The following B3GALT1 variants were observed in gnomAD, a reference collection of about 807,000 sequenced individuals.
The protein encoded by B3GALT1 is beta-1,3-galactosyltransferase 1.
Under a neutral mutation model 23.2 loss-of-function variants are expected in B3GALT1, and 10 were observed. The observed-to-expected ratio is 0.43, with a 90% CI of 0.27 to 0.73. The LOEUF (loss-of-function observed/expected upper bound fraction) is 0.73, where lower values mean the gene tolerates loss of function less well. B3GALT1 is among the 30% of genes least tolerant of loss of function. The pLI is 0.21. For synonymous variants in B3GALT1, 156 were observed against 141.5 expected, an observed-to-expected ratio of 1.10 and a Z score of -0.73; for missense variants, 299 against 405.4, an observed-to-expected ratio of 0.74 and a Z score of 2.25.
At chr2:167,844,316 C>T (rs11897157) in intron 4 of B3GALT1, among the ~76,000 whole-genome samples, 2 of 152,066 alleles carry the variant, frequency 1.3e-5, no homozygotes, top group African/African-American at 2.4e-5. Flanking sequence ...AATTTTAGCT[C>T]CAGATCGACT....
intron 2 of B3GALT1, among the ~76,000 whole-genome samples, chr2:167,640,829 G>T (rs1227995748): frequency 2.6e-5 from 4 of 152,022 alleles, no homozygotes; most frequent in African/African-American, 9.7e-5. Flanking sequence ...GTCTCTGTAG[G>T]CTTTTGAGCT....
intron 2 of B3GALT1, among the ~76,000 whole-genome samples, chr2:167,559,734 G>A (rs1322080479): frequency 6.6e-6 from 1 of 152,154 alleles, no homozygotes; most frequent in African/African-American, 2.4e-5. Context: ...ATGAAATGAA[G>A]CGAGAAGGGA....
At chr2:167,559,626 G>T (rs896899455) in intron 2 of B3GALT1, among the ~76,000 whole-genome samples, 7 of 152,218 alleles carry the variant, frequency 4.6e-5, no homozygotes, top group African/African-American at 1.7e-4. Context: ...TGATGGAGCT[G>T]AAAGCCAAGG....
At chr2:167,309,097 A>G (rs1696595135) in intron 1 of B3GALT1, among the ~76,000 whole-genome samples, 1 of 151,980 alleles carries the variant, frequency 6.6e-6, no homozygotes, top group East Asian at 1.9e-4. Context: ...AACCCTATTA[A>G]TGTTTTATGT....
At chr2:167,558,670 C>T (rs549101634) in intron 2 of B3GALT1, among the ~76,000 whole-genome samples, 154 of 152,318 alleles carry the variant, frequency 1.0e-3, no homozygotes, top group African/African-American at 3.5e-3. Context: ...GCACCTGGCT[C>T]GGAGGTTCCT....
At chr2:167,321,787 C>G (rs989223324) in intron 1 of B3GALT1, among the ~76,000 whole-genome samples, 3 of 151,906 alleles carry the variant, frequency 2.0e-5, no homozygotes, top group African/African-American at 7.2e-5. Context: ...TAACTGCCAC[C>G]CTTTCAGCTC....
chr2:167,511,542 A>G (rs1700004574), intron 2 of B3GALT1, among the ~76,000 whole-genome samples: 1 of 152,174 alleles, frequency 6.6e-6, no homozygotes, highest in Non-Finnish European at 1.5e-5. Context: ...TTTATAAATT[A>G]CCCAGTCTTG....
chr2:167,748,514 G>A (rs1366017014), intron 3 of B3GALT1, among the ~76,000 whole-genome samples: 4 of 152,128 alleles, frequency 2.6e-5, no homozygotes, highest in Admixed American at 2.0e-4. Flanking sequence ...AAGTAGGGTT[G>A]GGGGTTGAGA....
chr2:167,447,129 C>G (rs1482469221), intron 1 of B3GALT1, among the ~76,000 whole-genome samples: 2 of 152,206 alleles, frequency 1.3e-5, no homozygotes, highest in Non-Finnish European at 2.9e-5. Context: ...GAGGTCCACT[C>G]CAGACCCTGT....
At chr2:167,359,102 G>A (rs1697460789) in intron 1 of B3GALT1, among the ~76,000 whole-genome samples, 1 of 151,984 alleles carries the variant, frequency 6.6e-6, no homozygotes. Flanking sequence ...GCCTGGCCAA[G>A]CAAAAGTTAT....
rs146672338 is a variant in B3GALT1, at chr2:167,332,983, CTGCTGGAT to C, written c.-511+39658_-511+39665del. Among the ~76,000 whole-genome samples the C allele has an allele frequency of 3.0e-3, 454 of 152,306 alleles. 15 individuals carry two copies. The East Asian group carries it at 0.075, about 25-fold the overall frequency. On this transcript the variant is annotated intron_variant, in intron 1 of 4. Transcript: ENST00000392690. ...GAGACAGCTCAGGCAAATTCCAGGTCTGCTGGATTGCTGGATGTAGCTTTCACAAGCAT... is the reference window on the plus strand; with the variant it reads ...GAGACAGCTCAGGCAAATTCCAGGTCTGCTGGATGTAGCTTTCACAAGCAT...
At chr2:167,678,820 A>T (rs1686473706) in intron 3 of B3GALT1, among the ~76,000 whole-genome samples, 1 of 152,296 alleles carries the variant, frequency 6.6e-6, no homozygotes, top group South Asian at 2.1e-4. Context: ...TTCTGGATAC[A>T]CTTTACGTAA....
intron 1 of B3GALT1, among the ~76,000 whole-genome samples, chr2:167,396,835 A>G (rs1242352105): frequency 5.3e-5 from 8 of 152,132 alleles, no homozygotes; most frequent in Admixed American, 2.0e-4. Flanking sequence ...CACACAGTTT[A>G]GGGAAAGGAA....
chr2:167,386,119 G>A (rs1008071617), intron 1 of B3GALT1, among the ~76,000 whole-genome samples: 4 of 152,110 alleles, frequency 2.6e-5, no homozygotes, highest in African/African-American at 7.2e-5. Context: ...TGACATAGAC[G>A]AGACTTGAGA....
At chr2:167,763,388 A>C (rs1687924970) in intron 3 of B3GALT1, among the ~76,000 whole-genome samples, 1 of 152,212 alleles carries the variant, frequency 6.6e-6, no homozygotes, top group Non-Finnish European at 1.5e-5. Context: ...AAAAAAGTAA[A>C]CACTTTGGAA....
At chr2:167,458,197 TG>T (rs1454636271) in intron 1 of B3GALT1, among the ~76,000 whole-genome samples, 1 of 152,164 alleles carries the variant, frequency 6.6e-6, no homozygotes, top group African/African-American at 2.4e-5. Context: ...CATATATAAG[TG>T]GAATCTTATA....
Position 167,873,117 on chromosome 2 carries a change from A to T in B3GALT1, c.*3097A>T, listed in dbSNP as rs992121825. On this transcript the variant is annotated 3_prime_UTR_variant, in exon 5 of 5. Coordinates refer to ENST00000392690, the MANE Select transcript of B3GALT1 (RefSeq NM_020981.4). ...ATCATTTCCCTGACATAAAATATGC[A>T]ATGTTTTAGACAGTATTCTACCAAG... is the stretch of plus-strand genomic sequence containing the variant. 2.0e-5 allele frequency: 3 copies of T among 152,186 alleles called. No individual in the cohort carries two copies. The highest frequency in any genetic ancestry group is 7.2e-5 in the African/African-American group (3 of 41,438). The allele number at this position is 152,186 out of a possible 1,614,324, so 9.4% of individuals were successfully genotyped here.
At chr2:167,578,131 T>A (rs1684417087) in intron 2 of B3GALT1, among the ~76,000 whole-genome samples, 1 of 151,996 alleles carries the variant, frequency 6.6e-6, no homozygotes, top group South Asian at 2.1e-4. Flanking sequence ...TGCTCTGCAT[T>A]ATATTGGCAT....
chr2:167,722,286 G>A (rs1477402667), intron 3 of B3GALT1, among the ~76,000 whole-genome samples: 3 of 152,114 alleles, frequency 2.0e-5, no homozygotes, highest in Admixed American at 6.6e-5. Context: ...AATACTTTAC[G>A]GACTGAATAC....
Sources: gnomAD v4.1 joint callset for allele counts (sites outside exome capture counted in the v4.1 genomes callset) on GRCh38, gnomAD v4.1.1 for gene constraint, MANE v1.5 for transcripts, NCBI Gene and HGNC (gene_info 2026-07-23, HGNC 2026-07-21) for gene names.